CLGN: variants seen among roughly 807,000 people sequenced by gnomAD.
The protein encoded by CLGN is testis tissue sperm-binding protein Li 79P.
A neutral mutation model predicts 79.1 loss-of-function variants in CLGN; 62 were observed. That is an observed-to-expected ratio of 0.78 (90% CI 0.64 to 0.97). CLGN has a LOEUF of 0.97. CLGN is among the 50% of genes least tolerant of loss of function. The pLI is 0.00. For missense variants in CLGN, 647 were observed against 715.5 expected, an observed-to-expected ratio of 0.90 and a Z score of 1.09; for synonymous variants, 225 against 224.7, an observed-to-expected ratio of 1.00 and a Z score of -0.01.
At chr4:140,416,826 G>A (rs1286768902) in intron 1 of CLGN, among the ~76,000 whole-genome samples, 2 of 151,720 alleles carry the variant, frequency 1.3e-5, no homozygotes, top group African/African-American at 2.4e-5. Flanking sequence ...TAGAAAAAGA[G>A]GGAATCCTCC....
chr4:140,393,450 C>G (rs1399385436), intron 11 of CLGN, among the ~76,000 whole-genome samples: 1 of 152,066 alleles, frequency 6.6e-6, no homozygotes, highest in Non-Finnish European at 1.5e-5. Context: ...ATTCTTTGTA[C>G]ATTCCTCTAA....
rs138987331 is a variant in CLGN, at chr4:140,406,612, T to C, written c.278-529A>G. Among the ~76,000 whole-genome samples, 234 of 152,332 alleles carry C rather than the reference T, an allele frequency of 1.5e-3. 2 individuals carry two copies. Among genetic ancestry groups the C allele is most frequent in the African/African-American group, 5.3e-3 (219 of 41,584 alleles). On this transcript the variant is annotated intron_variant, in intron 4 of 14. Coordinates refer to ENST00000325617, the MANE Select transcript of CLGN (RefSeq NM_004362.3). ...TAATTCACACAAACCCTTCTCAGGG[T>C]ACACTAATCAGCTCTCAGAACTTTT...
At chr4:140,424,787 T>C (rs1406913299) in intron 1 of CLGN, among the ~76,000 whole-genome samples, 1 of 152,228 alleles carries the variant, frequency 6.6e-6, no homozygotes, top group Non-Finnish European at 1.5e-5. Flanking sequence ...TACATCCTTC[T>C]GCACCAACAC....
chr4:140,407,314 G>C (rs145965901), intron 4 of CLGN, among the ~76,000 whole-genome samples: 1 of 152,102 alleles, frequency 6.6e-6, no homozygotes, highest in East Asian at 1.9e-4. Context: ...ACTTTATCTG[G>C]AAGTCCTAGC....
At chr4:140,420,076 T>C (rs1320211081) in intron 1 of CLGN, among the ~76,000 whole-genome samples, 1 of 152,036 alleles carries the variant, frequency 6.6e-6, no homozygotes, top group African/African-American at 2.4e-5. Context: ...TAGACCCATA[T>C]CCTCTCTTTC....
chr4:140,402,861 A>G (rs1727608511), intron 5 of CLGN, among the ~76,000 whole-genome samples: 1 of 152,196 alleles, frequency 6.6e-6, no homozygotes, highest in South Asian at 2.1e-4. Context: ...TAAAAACAAA[A>G]AAGGTTATGA....
At chr4:140,408,884 T>TATATATACAC (rs778910042) in intron 4 of CLGN, among the ~76,000 whole-genome samples, 6 of 145,558 alleles carry the variant, frequency 4.1e-5, no homozygotes, top group Admixed American at 3.5e-4. Flanking sequence ...TATATATATA[T>TATATATACAC]ACACACACAC....
chr4:140,396,919 A>G (rs1728901095), intron 8 of CLGN, among the ~76,000 whole-genome samples: 2 of 133,182 alleles, frequency 1.5e-5, no homozygotes, highest in Non-Finnish European at 3.1e-5. Flanking sequence ...ATATATATAT[A>G]TATACACATA....
At chr4:140,404,774 C>A (rs894715353) in intron 5 of CLGN, among the ~76,000 whole-genome samples, 1 of 152,038 alleles carries the variant, frequency 6.6e-6, no homozygotes, top group Non-Finnish European at 1.5e-5. Context: ...CCCACCTCAG[C>A]CTCCAGAGTA....
At chr4:140,420,891 C>A (rs1729457259) in intron 1 of CLGN, among the ~76,000 whole-genome samples, 1 of 152,054 alleles carries the variant, frequency 6.6e-6, no homozygotes, top group African/African-American at 2.4e-5. Context: ...CATTGTTGTA[C>A]AACTAATTTC....
chr4:140,423,360 C>T (rs1185581552), intron 1 of CLGN, among the ~76,000 whole-genome samples: 1 of 152,196 alleles, frequency 6.6e-6, no homozygotes, highest in Non-Finnish European at 1.5e-5. Flanking sequence ...TATGTTGAAT[C>T]ATCCTTGAAT....
At chr4:140,405,252 T>C (rs1350664010) in intron 5 of CLGN, among the ~76,000 whole-genome samples, 1 of 146,726 alleles carries the variant, frequency 6.8e-6, no homozygotes, top group Non-Finnish European at 1.5e-5. Flanking sequence ...TGGCGGGATC[T>C]CGGCTCACTG....
At chr4:140,418,995 C>T (rs1301760367) in intron 1 of CLGN, among the ~76,000 whole-genome samples, 1 of 152,174 alleles carries the variant, frequency 6.6e-6, no homozygotes, top group Non-Finnish European at 1.5e-5. Context: ...AAATATGGCA[C>T]ATATACACCA....
At chr4:140,396,909 A>G (rs1307756411) in intron 8 of CLGN, among the ~76,000 whole-genome samples, 19 of 122,538 alleles carry the variant, frequency 1.6e-4, no homozygotes, top group South Asian at 2.8e-4. Flanking sequence ...ATATATATGT[A>G]TATATATATA....
chr4:140,415,678 CA>C (rs1729313791), intron 1 of CLGN, among the ~76,000 whole-genome samples: 1 of 145,742 alleles, frequency 6.9e-6, no homozygotes, highest in Non-Finnish European at 1.5e-5. Flanking sequence ...GCACCCAATA[CA>C]GGAGCACCAA....
intron 6 of CLGN, among the ~76,000 whole-genome samples, chr4:140,400,923 G>A (rs1435464953): frequency 1.3e-5 from 2 of 152,038 alleles, no homozygotes; most frequent in Non-Finnish European, 2.9e-5. Context: ...TATTACTTAG[G>A]AAGATACCAG....
At chr4:140,396,283 A>G (rs1728872922) in intron 8 of CLGN, 78 bp from the exon 9 acceptor site, 1 of 1,151,326 alleles carries the variant, frequency 8.7e-7, no homozygotes, top group African/African-American at 1.5e-5. Context: ...AAGGTACCAT[A>G]AAATTATTTC....
At position 140,412,833 on chromosome 4, in the gene CLGN, C is replaced by G. The variant is rs1462180694; in HGVS notation, c.144+102G>C. 7.5e-6 allele frequency: 8 copies of G among 1,073,136 alleles called. No individual in the cohort carries two copies. The Admixed American group carries it at 1.9e-4, about 26-fold the overall frequency. 66.5% of individuals were successfully genotyped at this position (1,073,136 alleles called of 1,614,324 possible). ...AAAATCAATGTTTTTCTATCTAGCT[C>G]TAAAATGAAGATTATTTGAACTGAA... On this transcript the variant is annotated intron_variant, in intron 2 of 14. Transcript: ENST00000325617.
intron 8 of CLGN, 101 bp downstream of exon 8, chr4:140,398,750 T>C (rs1728941281): frequency 1.0e-6 from 1 of 985,900 alleles, no homozygotes; most frequent in African/African-American, 1.7e-5. Flanking sequence ...GTAGTTCTGA[T>C]GTTTAAAAAA....
Sources: gnomAD v4.1 joint callset for allele counts (sites outside exome capture counted in the v4.1 genomes callset) on GRCh38, gnomAD v4.1.1 for gene constraint, MANE v1.5 for transcripts, NCBI Gene and HGNC (gene_info 2026-07-23, HGNC 2026-07-21) for gene names.